ZBTB46: variants seen among roughly 807,000 people sequenced by gnomAD.
ZBTB46 encodes the protein zinc finger and BTB domain-containing protein 46.
A neutral mutation model predicts 44.1 loss-of-function variants in ZBTB46; 8 were observed. The observed-to-expected ratio is 0.18, with a 90% CI of 0.11 to 0.33. The LOEUF (loss-of-function observed/expected upper bound fraction) is 0.33, where lower values mean the gene tolerates loss of function less well. Among genes scored for constraint, ZBTB46 ranks in the 10% least tolerant of loss-of-function variants. ZBTB46 has a pLI of 1.00. For missense variants in ZBTB46, 651 were observed against 847.7 expected, an observed-to-expected ratio of 0.77 and a Z score of 2.88; for synonymous variants, 409 against 382.3, an observed-to-expected ratio of 1.07 and a Z score of -0.81.
At chr20:63,795,828 G>A (rs1450868759) in intron 1 of ZBTB46, among the ~76,000 whole-genome samples, 2 of 152,228 alleles carry the variant, frequency 1.3e-5, no homozygotes, top group East Asian at 1.9e-4. Context: ...GGCCTCTGCC[G>A]AATGCGCATA....
chr20:63,833,429 A>G (rs933942224), upstream of ZBTB46, among the ~76,000 whole-genome samples: 9 of 152,114 alleles, frequency 5.9e-5, no homozygotes, highest in South Asian at 8.3e-4. Context: ...GTCTCTACTA[A>G]AAATACAAAA....
intron 1 of ZBTB46, among the ~76,000 whole-genome samples, chr20:63,807,229 G>C (rs2092687356): frequency 1.3e-5 from 2 of 152,180 alleles, no homozygotes; most frequent in Non-Finnish European, 2.9e-5. Flanking sequence ...TATTGAAATT[G>C]ACTTTTCTTT....
intron 3 of ZBTB46, among the ~76,000 whole-genome samples, chr20:63,756,556 GATT>G (rs2092222130): frequency 6.6e-6 from 1 of 152,224 alleles, no homozygotes; most frequent in African/African-American, 2.4e-5. Context: ...GATCTGTCCA[GATT>G]ATTTTCAAAA....
At chr20:63,755,987 C>T (rs540122921) in intron 3 of ZBTB46, among the ~76,000 whole-genome samples, 11 of 152,190 alleles carry the variant, frequency 7.2e-5, no homozygotes, top group Non-Finnish European at 1.5e-4. Context: ...CTGGCGTGGA[C>T]CCCCTAAAAT....
At chr20:63,768,268 G>A (rs2092337272) in intron 3 of ZBTB46, 2 of 499,192 alleles carry the variant, frequency 4.0e-6, no homozygotes, top group Non-Finnish European at 5.2e-6. Context: ...AATCCAAAAT[G>A]TGTGGTTAAG....
chr20:63,776,543 C>T (rs986824637), intron 2 of ZBTB46, among the ~76,000 whole-genome samples: 1 of 152,208 alleles, frequency 6.6e-6, no homozygotes, highest in Non-Finnish European at 1.5e-5. Context: ...GTGGCTCAAG[C>T]CTGTGATCCC....
chr20:63,828,077 C>T (rs1055138817), intron 1 of ZBTB46, among the ~76,000 whole-genome samples: 1 of 152,382 alleles, frequency 6.6e-6, no homozygotes, highest in East Asian at 1.9e-4. Flanking sequence ...TGAGCCACCA[C>T]GCCCAGCCTC....
intron 1 of ZBTB46, among the ~76,000 whole-genome samples, chr20:63,817,796 G>A (rs2092768570): frequency 6.6e-6 from 1 of 152,086 alleles, no homozygotes; most frequent in South Asian, 2.1e-4. Flanking sequence ...GAAGACAGAG[G>A]CAGAGGCTGG....
At chr20:63,812,077 T>A (rs754674694) in intron 1 of ZBTB46, among the ~76,000 whole-genome samples, 6 of 152,132 alleles carry the variant, frequency 3.9e-5, no homozygotes, top group Non-Finnish European at 8.8e-5. Context: ...AAACTCTCAC[T>A]AATAGGAAAA....
intron 1 of ZBTB46, among the ~76,000 whole-genome samples, chr20:63,802,400 T>C (rs1478035426): frequency 6.6e-6 from 1 of 151,104 alleles, no homozygotes; most frequent in Admixed American, 6.6e-5. Context: ...CCAGCCTGAG[T>C]GACAGAATGA....
intron 1 of ZBTB46, among the ~76,000 whole-genome samples, chr20:63,793,057 ACGG>A (rs2145941144): frequency 6.6e-6 from 1 of 152,140 alleles, no homozygotes; most frequent in East Asian, 1.9e-4. Flanking sequence ...GAGGGCTGTG[ACGG>A]CGGTGACCGC....
At chr20:63,786,327 T>C (rs1394884711) in intron 2 of ZBTB46, among the ~76,000 whole-genome samples, 1 of 152,146 alleles carries the variant, frequency 6.6e-6, no homozygotes, top group African/African-American at 2.4e-5. Flanking sequence ...ACTGCTAATG[T>C]CTGGAGACAT....
intron 1 of ZBTB46, among the ~76,000 whole-genome samples, chr20:63,816,677 T>C (rs1448310471): frequency 6.6e-6 from 1 of 152,182 alleles, no homozygotes; most frequent in East Asian, 1.9e-4. Flanking sequence ...CTGAAATGTG[T>C]CTGCTGAAGT....
At chr20:63,748,097 C>G (rs1436833746) in intron 4 of ZBTB46, among the ~76,000 whole-genome samples, 3 of 152,252 alleles carry the variant, frequency 2.0e-5, no homozygotes, top group Non-Finnish European at 4.4e-5. Context: ...CAGCCCGACC[C>G]TGACTCCAGG....
intron 2 of ZBTB46, among the ~76,000 whole-genome samples, chr20:63,786,763 G>A (rs1357600520): frequency 2.0e-5 from 3 of 152,148 alleles, no homozygotes; most frequent in African/African-American, 4.8e-5. Context: ...GCCCGCCTTG[G>A]CCTCCCAAAG....
chr20:63,747,421 A>T, intron 4 of ZBTB46, 120 bp from the exon 5 acceptor site: 1 of 94,412 alleles, frequency 1.1e-5, no homozygotes, highest in African/African-American at 1.7e-4. Flanking sequence ...TGGAGGTTGG[A>T]AGAGGGGGCA....
chr20:63,751,918 C>G (rs1290494355), intron 4 of ZBTB46, among the ~76,000 whole-genome samples: 1 of 152,134 alleles, frequency 6.6e-6, no homozygotes, highest in African/African-American at 2.4e-5. Context: ...TGCTGACTCT[C>G]CTGCGATTCC....
intron 3 of ZBTB46, among the ~76,000 whole-genome samples, chr20:63,753,157 C>T (rs1042696513): frequency 6.6e-6 from 1 of 152,210 alleles, no homozygotes; most frequent in Non-Finnish European, 1.5e-5. Context: ...GGGGTAAGAA[C>T]GGCCAATGCT....
chr20:63,781,397 T>C (rs951823343), intron 2 of ZBTB46, among the ~76,000 whole-genome samples: 1 of 152,106 alleles, frequency 6.6e-6, no homozygotes, highest in African/African-American at 2.4e-5. Context: ...GGTCACCACG[T>C]AGACAGCCCA....
Sources: gnomAD v4.1 joint callset for allele counts (sites outside exome capture counted in the v4.1 genomes callset) on GRCh38, gnomAD v4.1.1 for gene constraint, MANE v1.5 for transcripts, NCBI Gene and HGNC (gene_info 2026-07-23, HGNC 2026-07-21) for gene names.